SLC9C2: variants seen among roughly 807,000 people sequenced by gnomAD.
SLC9C2 encodes the protein sodium/hydrogen exchanger 11.
A neutral mutation model predicts 140.2 loss-of-function variants in SLC9C2; 75 were observed. That is an observed-to-expected ratio of 0.53 (90% confidence interval 0.44 to 0.65). The LOEUF (loss-of-function observed/expected upper bound fraction) is 0.65, where lower values mean the gene tolerates loss of function less well. Ranked by LOEUF, SLC9C2 falls within the 30% of genes least tolerant of loss-of-function variation. The probability of loss-of-function intolerance (pLI) is 0.00; values close to 1 mark genes in which losing one functional copy is unlikely to be tolerated. For synonymous variants in SLC9C2, 375 were observed against 420.9 expected, an observed-to-expected ratio of 0.89 and a Z score of 1.34; for missense variants, 1,074 against 1,331.8, an observed-to-expected ratio of 0.81 and a Z score of 3.01.
In SLC9C2 at chr1:173,583,582, T is replaced by C. The variant is rs764488657; in HGVS notation, c.564A>G (p.Ser188=). 12 of 1,609,864 alleles carry C rather than the reference T, an allele frequency of 7.5e-6. No homozygotes were observed. The highest frequency in any genetic ancestry group is 2.7e-5 in the African/African-American group (2 of 74,684). The change falls in exon 6 of 28, where the codon TCA becomes TCG. Residue 188 remains serine (S), a synonymous_variant. Transcript: ENST00000367714. The part of the protein sequence containing the change: ...KIYIDLIRGE[S]LIICSIASIF... ...TTGATGCGATGCTACAAATGATCAA[T>C]GATTCTCCTCTAATGAGATCAATGT...
rs537973821 is a variant in SLC9C2, at chr1:173,527,774, T to C, written c.2314-1060A>G. Among the ~76,000 whole-genome samples the C allele has an allele frequency of 5.9e-5, 9 of 152,340 alleles. No homozygotes were observed. The South Asian group carries it at 1.9e-3, about 32-fold the overall frequency. ...CATAGTGCTCTTTATAGGGAACACC[T>C]GGTTTGTTATCTAAAGTTTAAGCAA... On this transcript the variant is annotated intron_variant, in intron 18 of 27. Coordinates refer to ENST00000367714, the MANE Select transcript of SLC9C2 (RefSeq NM_178527.4).
At chr1:173,551,040 T>C (rs1663270194) in intron 11 of SLC9C2, among the ~76,000 whole-genome samples, 1 of 151,896 alleles carries the variant, frequency 6.6e-6, no homozygotes, top group Non-Finnish European at 1.5e-5. Flanking sequence ...TGCTTTGAGG[T>C]GGGCTGTCAC....
chr1:173,560,446 T>A (rs1268067620), intron 9 of SLC9C2, among the ~76,000 whole-genome samples: 2 of 152,194 alleles, frequency 1.3e-5, no homozygotes, highest in Non-Finnish European at 2.9e-5. Flanking sequence ...CCTTGGCCAA[T>A]GACTGCATTA....
intron 11 of SLC9C2, among the ~76,000 whole-genome samples, chr1:173,550,872 AAGAGAG>A (rs143296396): frequency 5.5e-4 from 48 of 86,506 alleles, no homozygotes; most frequent in African/African-American, 2.2e-3. Context: ...GAGCCGTTGA[AAGAGAG>A]AGAGAGAGAG....
chr1:173,510,549 T>C (rs941935220), intron 23 of SLC9C2, among the ~76,000 whole-genome samples: 1 of 152,184 alleles, frequency 6.6e-6, no homozygotes, highest in African/African-American at 2.4e-5. Context: ...TGTGTTCTCA[T>C]TGTTCAACTC....
At chr1:173,579,254 T>C (rs2102207527) in intron 7 of SLC9C2, among the ~76,000 whole-genome samples, 1 of 152,356 alleles carries the variant, frequency 6.6e-6, no homozygotes, top group South Asian at 2.1e-4. Context: ...CATCATTCTG[T>C]TTAAGGCTGG....
rs563862133 is a variant in SLC9C2 at position 173,534,665 on chromosome 1, G to A, written c.1793C>T (p.Thr598Ile). 1.1e-5 allele frequency: 17 copies of A among 1,516,526 alleles called. No homozygotes were observed. The East Asian group carries it at 4.2e-4, about 37-fold the overall frequency. The allele number at this position is 1,516,526 out of a possible 1,614,324, so 93.9% of individuals were successfully genotyped here. The change falls in exon 16 of 28, where the codon ACT (threonine) becomes ATT (isoleucine). Residue 598 changes from threonine to isoleucine, a missense_variant. Thr to Ile is a moderately conservative substitution (Grantham distance 89). Transcript: ENST00000367714. ...FIPPESNTFL[T>I]FIFHIVFSEE... Reference sequence around the variant, plus strand: ...AGAAAATACTATGTGAAATATAAAAGTCAGAAATGTATTACTCCTGAAAAG... The same window carrying A: ...AGAAAATACTATGTGAAATATAAAAATCAGAAATGTATTACTCCTGAAAAG...
In SLC9C2 at chr1:173,503,232, G is replaced by GA. The variant is rs755205450; in HGVS notation, c.3371+33dup. 3 of 1,581,186 alleles carry GA rather than the reference G, an allele frequency of 1.9e-6. No homozygotes were observed. In the African/African-American group the frequency reaches 4.1e-5, roughly 21 times the overall value. On this transcript the variant is annotated intron_variant, in intron 27 of 27. Transcript: ENST00000367714. Reference sequence around the variant, plus strand: ...CTGTATAGTTCAATATTTGCAATAAGAAAAAATTCTAATCAAAGTGTCAAG... The same window carrying GA: ...CTGTATAGTTCAATATTTGCAATAAGAAAAAAATTCTAATCAAAGTGTCAAG...
intron 15 of SLC9C2, among the ~76,000 whole-genome samples, chr1:173,535,242 A>G (rs1485104582): frequency 6.6e-6 from 1 of 152,174 alleles, no homozygotes; most frequent in Non-Finnish European, 1.5e-5. Flanking sequence ...ATTTAGCAGC[A>G]TTAACGCCCT....
intron 5 of SLC9C2, among the ~76,000 whole-genome samples, chr1:173,587,248 G>A (rs1665904415): frequency 6.6e-6 from 1 of 152,054 alleles, no homozygotes; most frequent in African/African-American, 2.4e-5. Flanking sequence ...TCCAAATGGA[G>A]GCAGTTCTAA....
intron 11 of SLC9C2, among the ~76,000 whole-genome samples, chr1:173,552,105 T>C (rs1298897382): frequency 6.6e-6 from 1 of 152,234 alleles, no homozygotes; most frequent in Non-Finnish European, 1.5e-5. Context: ...ATATTCCCTT[T>C]AGCCAAAATC....
Position 173,593,236 on chromosome 1 carries a change from C to A in SLC9C2, c.357+4668G>T, listed in dbSNP as rs142058431. Among the ~76,000 whole-genome samples, 581 of 152,142 alleles carry A rather than the reference C, an allele frequency of 3.8e-3. 4 individuals are homozygous for A. Among genetic ancestry groups the A allele is most frequent in the South Asian group, 3.9e-3 (19 of 4,812 alleles). On this transcript the variant is annotated intron_variant, in intron 4 of 27. Coordinates refer to ENST00000367714, the MANE Select transcript of SLC9C2 (RefSeq NM_178527.4). ...TCAAATCCACACATATCAATAATAA[C>A]CTTGGCCTGGCGCGGTGGCTTATGC...
intron 20 of SLC9C2, among the ~76,000 whole-genome samples, chr1:173,524,499 T>C (rs1424808577): frequency 6.6e-6 from 1 of 152,208 alleles, no homozygotes; most frequent in East Asian, 1.9e-4. Flanking sequence ...CTATTGTGGG[T>C]TCTATAAAGT....
chr1:173,505,259 T>A lies in SLC9C2; in HGVS notation c.3298A>T (p.Thr1100Ser), dbSNP rs765244002. Residue 1100 changes from threonine (T) to serine (S), a missense_variant, in exon 26 of 28, where the codon ACC (threonine) becomes TCC (serine). Physicochemically the swap from Thr to Ser is moderately conservative, Grantham distance 58. Coordinates refer to ENST00000367714, the MANE Select transcript of SLC9C2 (RefSeq NM_178527.4). ...ASELTQRNSN[T>S]NVMASVNTVF... Reference sequence around the variant, plus strand: ...GTCTACCCCTTACCCATGACATTGGTGTTACTATTTCTTTGGGTAAGCTCA... The same window carrying A: ...GTCTACCCCTTACCCATGACATTGGAGTTACTATTTCTTTGGGTAAGCTCA... The A allele has an allele frequency of 8.1e-6, 13 of 1,613,776 alleles. No homozygotes were observed. The highest frequency in any genetic ancestry group is 1.1e-5 in the Non-Finnish European group (13 of 1,179,668).
intron 13 of SLC9C2, among the ~76,000 whole-genome samples, chr1:173,539,334 A>G (rs1451706503): frequency 6.6e-6 from 1 of 152,162 alleles, no homozygotes; most frequent in Non-Finnish European, 1.5e-5. Flanking sequence ...TGGACAAGAG[A>G]TTATGACGGC....
intron 11 of SLC9C2, among the ~76,000 whole-genome samples, chr1:173,551,563 C>A (rs992136223): frequency 1.3e-5 from 2 of 152,152 alleles, no homozygotes; most frequent in South Asian, 4.1e-4. Context: ...GTAATTCTCA[C>A]AATATTTCAA....
chr1:173,514,518 C>T lies in SLC9C2; in HGVS notation c.2907+3019G>A, dbSNP rs117206212. Among the ~76,000 whole-genome samples the T allele has an allele frequency of 5.4e-4, 82 of 151,880 alleles. No individual in the cohort carries two copies. In the East Asian group the frequency reaches 0.015, roughly 27 times the overall value. ...TTTTCCATTTGCTTGGTAATTTTTC[C>T]TCCACCCCTTTATTTTGAGCCTATG... is the stretch of plus-strand genomic sequence containing the variant. On this transcript the variant is annotated intron_variant, in intron 23 of 27. Coordinates refer to ENST00000367714, the MANE Select transcript of SLC9C2 (RefSeq NM_178527.4).
In SLC9C2 at chr1:173,509,710, A is replaced by C. The variant is rs770375187; in HGVS notation, c.2908-11T>G. 5 of 1,581,102 alleles carry C rather than the reference A, an allele frequency of 3.2e-6. No individual in the cohort carries two copies. The South Asian group carries it at 4.7e-5, about 15-fold the overall frequency. ...GGAGATAAAGCAGGCCTGAAACAAA[A>C]AGGAACCAGGCCATAGCAGCTTGAT... On this transcript the variant is annotated splice_polypyrimidine_tract_variant and intron_variant, in intron 23 of 27. Coordinates refer to ENST00000367714, the MANE Select transcript of SLC9C2 (RefSeq NM_178527.4).
rs184520104 is a variant in SLC9C2, at chr1:173,564,888, C to G, written c.1047-7380G>C. 4.4e-3 allele frequency among the ~76,000 whole-genome samples: 670 copies of G among 151,594 alleles called. 5 individuals carry two copies. The highest frequency in any genetic ancestry group is 0.015 in the African/African-American group (641 of 41,462). On this transcript the variant is annotated intron_variant, in intron 9 of 27. Transcript: ENST00000367714. ...TCCTGACCTCATGATCTGCCCGCCT[C>G]GGCCTCCCAAAGTGCTGGGATTACA...
Sources: allele counts gnomAD v4.1 joint callset (sites outside exome capture counted in the v4.1 genomes callset), GRCh38; gene constraint gnomAD v4.1.1; transcripts MANE v1.5; gene names NCBI Gene and HGNC (gene_info 2026-07-23, HGNC 2026-07-21).